The following INPP4B variants were observed in gnomAD, a reference collection of about 807,000 sequenced individuals.
INPP4B encodes the protein inositol polyphosphate 4-phosphatase type II.
INPP4B carries 55 observed loss-of-function variants against 122.5 expected under a neutral mutation model. The observed-to-expected ratio is 0.45, with a 90% confidence interval of 0.36 to 0.56. The LOEUF (loss-of-function observed/expected upper bound fraction) is 0.56, where lower values mean the gene tolerates loss of function less well. Ranked by LOEUF, INPP4B falls within the 20% of genes least tolerant of loss-of-function variation. The pLI, the probability that INPP4B is intolerant of heterozygous loss-of-function variation, is 0.00. For missense variants in INPP4B, 1,000 were observed against 1,097.7 expected, an observed-to-expected ratio of 0.91 and a Z score of 1.26; for synonymous variants, 403 against 388.7, an observed-to-expected ratio of 1.04 and a Z score of -0.43.
intron 7 of INPP4B, among the ~76,000 whole-genome samples, chr4:142,356,634 C>T (rs1783707863): frequency 6.6e-6 from 1 of 151,876 alleles, no homozygotes; most frequent in South Asian, 2.1e-4. Flanking sequence ...AACCCTAAAA[C>T]CTTTGTAATT....
In INPP4B at chr4:142,652,825, C is replaced by T. The variant is rs1433520544; in HGVS notation, c.-191+73014G>A. Among the ~76,000 whole-genome samples the T allele has an allele frequency of 2.0e-5, 3 of 152,184 alleles. No homozygotes were observed. In the East Asian group the frequency reaches 5.8e-4, roughly 29 times the overall value. On this transcript the variant is annotated intron_variant, in intron 2 of 25. Coordinates refer to ENST00000262992, the MANE Select transcript of INPP4B (RefSeq NM_001101669.3). The stretch of plus-strand genomic sequence containing the variant: ...TAGATTCAGTGCCATCCCCATCAAG[C>T]TACCAATGACTTTCTTCACAGAATT...
intron 2 of INPP4B, among the ~76,000 whole-genome samples, chr4:142,654,288 T>A (rs748440752): frequency 4.3e-4 from 62 of 145,600 alleles, no homozygotes; most frequent in Non-Finnish European, 7.9e-4. Flanking sequence ...AGTTGATGGG[T>A]GCAGCAAACC....
At chr4:142,312,647 T>C (rs1251790221) in intron 8 of INPP4B, among the ~76,000 whole-genome samples, 1 of 152,182 alleles carries the variant, frequency 6.6e-6, no homozygotes, top group Non-Finnish European at 1.5e-5. Flanking sequence ...TTTCATGTAT[T>C]TGGACAGCAC....
rs1784177521 is a variant in INPP4B, at chr4:142,846,121, C to T, written c.-254+88G>A. The stretch of plus-strand genomic sequence containing the variant: ...ACGTGCCGCCACGCTCTCAGACACG[C>T]TCCCTCGCCTCCCGGATTACCCACC... On this transcript the variant is annotated intron_variant, in intron 1 of 25. Transcript: ENST00000262992. The surrounding 1 kb of genome is among the most constrained non-coding windows in gnomAD (Gnocchi z 5.1). The T allele has an allele frequency of 6.6e-6, 1 of 152,310 alleles. No individual in the cohort carries two copies. Among genetic ancestry groups the T allele is most frequent in the Admixed American group, 6.6e-5 (1 of 15,266 alleles). 9.4% of individuals were successfully genotyped at this position (152,310 alleles called of 1,614,324 possible). A position where few individuals can be genotyped will look rare whatever the true frequency, so the allele number is the denominator to read the frequency against.
intron 2 of INPP4B, among the ~76,000 whole-genome samples, chr4:142,716,297 T>G (rs1278158713): frequency 6.6e-6 from 1 of 152,332 alleles, no homozygotes; most frequent in African/African-American, 2.4e-5. Flanking sequence ...TAGTCAAACC[T>G]GTTTAATAAC....
intron 2 of INPP4B, among the ~76,000 whole-genome samples, chr4:142,713,464 G>A (rs1005193438): frequency 3.3e-5 from 5 of 152,172 alleles, no homozygotes; most frequent in African/African-American, 7.2e-5. Context: ...GAGAGTAAGC[G>A]AAAGATTGTT....
At chr4:142,656,201 C>T (rs1754102289) in intron 2 of INPP4B, among the ~76,000 whole-genome samples, 1 of 152,172 alleles carries the variant, frequency 6.6e-6, no homozygotes, top group South Asian at 2.1e-4. Flanking sequence ...AGACTCTGGC[C>T]AGTTTGCCCA....
Position 142,023,475 on chromosome 4 carries a change from A to G in INPP4B, c.*5307T>C, listed in dbSNP as rs1474438222. ...CAAAGTATTGTATGTATGCAGTGAA[A>G]TGAGAGTGCCCATACAGTTATATGC... On this transcript the variant is annotated 3_prime_UTR_variant, in exon 26 of 26. Coordinates refer to ENST00000262992, the MANE Select transcript of INPP4B (RefSeq NM_001101669.3). 6.6e-6 allele frequency: 1 copy of G among 152,232 alleles called. No homozygotes were observed. Among genetic ancestry groups the G allele is most frequent in the Admixed American group, 6.5e-5 (1 of 15,286 alleles). The allele number at this position is 152,232 out of a possible 1,614,324, so 9.4% of individuals were successfully genotyped here.
At chr4:142,479,168 C>A (rs1344574268) in intron 2 of INPP4B, among the ~76,000 whole-genome samples, 1 of 152,132 alleles carries the variant, frequency 6.6e-6, no homozygotes, top group Non-Finnish European at 1.5e-5. Context: ...CAAACAGACA[C>A]TTTTCAAAAG....
chr4:142,572,591 G>A (rs1353170542), intron 2 of INPP4B, among the ~76,000 whole-genome samples: 1 of 152,082 alleles, frequency 6.6e-6, no homozygotes, highest in Non-Finnish European at 1.5e-5. Context: ...AATGGATAGA[G>A]AGAAATGAAT....
intron 7 of INPP4B, among the ~76,000 whole-genome samples, chr4:142,359,807 T>C (rs1482186785): frequency 1.3e-5 from 2 of 152,014 alleles, no homozygotes; most frequent in Non-Finnish European, 2.9e-5. Flanking sequence ...CTTACTTTAA[T>C]AACTTGTTAT....
At chr4:142,193,006 G>A (rs1836660329) in intron 15 of INPP4B, 81 bp downstream of exon 15, 1 of 800,828 alleles carries the variant, frequency 1.2e-6, no homozygotes, top group Admixed American at 1.9e-5. Flanking sequence ...CATTGTGATG[G>A]ACCAATCACC....
chr4:142,800,689 G>A (rs1248179494), intron 1 of INPP4B, among the ~76,000 whole-genome samples: 1 of 152,108 alleles, frequency 6.6e-6, no homozygotes, highest in African/African-American at 2.4e-5. Flanking sequence ...AAACACCACA[G>A]GATGTTATAG....
chr4:142,101,332 C>G (rs1183141067), intron 23 of INPP4B, among the ~76,000 whole-genome samples: 3 of 152,024 alleles, frequency 2.0e-5, no homozygotes, highest in Non-Finnish European at 1.5e-5. Flanking sequence ...ACAGCTGGTG[C>G]CATCAGTATT....
intron 2 of INPP4B, among the ~76,000 whole-genome samples, chr4:142,572,987 A>C (rs555989004): frequency 9.2e-5 from 14 of 152,076 alleles, no homozygotes; most frequent in African/African-American, 3.1e-4. Context: ...GAACTACCTG[A>C]GACTGGGTAA....
At chr4:142,286,037 C>A (rs1224086883) in intron 9 of INPP4B, among the ~76,000 whole-genome samples, 1 of 152,014 alleles carries the variant, frequency 6.6e-6, no homozygotes, top group Non-Finnish European at 1.5e-5. Context: ...TTTAAGCAGT[C>A]TATATAGAAC....
intron 1 of INPP4B, among the ~76,000 whole-genome samples, chr4:142,761,785 A>G (rs1270245982): frequency 6.6e-6 from 1 of 152,210 alleles, no homozygotes; most frequent in East Asian, 1.9e-4. Context: ...GGGGCAGCCC[A>G]GACTTTTTAT....
chr4:142,097,227 T>G (rs868478878), intron 23 of INPP4B, among the ~76,000 whole-genome samples: 17 of 135,126 alleles, frequency 1.3e-4, no homozygotes, highest in African/African-American at 4.6e-4. Flanking sequence ...TTATGTTATT[T>G]TTATTTTATT....
rs184761455 is a variant in INPP4B at position 142,579,294 on chromosome 4, A to G, written c.-190-116568T>C. On this transcript the variant is annotated intron_variant, in intron 2 of 25. Transcript: ENST00000262992. ...TAAGGGGAGAAGAAACTTGTTTTAT[A>G]CAGAGTGGTCAAAGATGGCCTTTCA... Among the ~76,000 whole-genome samples the G allele has an allele frequency of 9.2e-5, 14 of 152,104 alleles. No homozygotes were observed. In the East Asian group the frequency reaches 2.7e-3, roughly 29 times the overall value.
Sources: gnomAD v4.1 joint callset for allele counts (sites outside exome capture counted in the v4.1 genomes callset) on GRCh38, gnomAD v4.1.1 for gene constraint, Gnocchi (gnomAD v3.1) non-coding constraint, MANE v1.5 for transcripts, NCBI Gene and HGNC (gene_info 2026-07-23, HGNC 2026-07-21) for gene names.